The following LURAP1 variants were observed in gnomAD, a reference collection of about 807,000 sequenced individuals.
LURAP1 encodes NF-kappa-B activator C1orf190.
A neutral mutation model predicts 19.0 loss-of-function variants in LURAP1; 14 were observed. That is an observed-to-expected ratio of 0.74 (90% CI 0.49 to 1.15). The LOEUF is 1.15. Among genes scored for constraint, LURAP1 ranks in the 50% most tolerant of loss-of-function variants. The pLI is 0.00. For missense variants in LURAP1, 273 were observed against 309.1 expected, an observed-to-expected ratio of 0.88 and a Z score of 0.87; for synonymous variants, 129 against 131.8, an observed-to-expected ratio of 0.98 and a Z score of 0.14.
intron 1 of LURAP1, 44 bp from the exon 2 acceptor site, chr1:46,219,655 C>G: frequency 6.6e-7 from 1 of 1,520,516 alleles, no homozygotes; most frequent in Non-Finnish European, 8.8e-7. Context: ...CTGGGGAAAC[C>G]CATGCCCCAG....
chr1:46,205,061 C>T (rs575906762), intron 1 of LURAP1, among the ~76,000 whole-genome samples: 5 of 152,162 alleles, frequency 3.3e-5, no homozygotes, highest in Non-Finnish European at 7.4e-5. Context: ...AGTTTGAGAC[C>T]AGCCTGGGCA....
intron 1 of LURAP1, among the ~76,000 whole-genome samples, chr1:46,212,442 A>T (rs756899652): frequency 6.0e-5 from 9 of 150,812 alleles, no homozygotes; most frequent in Admixed American, 3.3e-4. Context: ...TGCCACGCCC[A>T]GCGAATTTTT....
intron 1 of LURAP1, among the ~76,000 whole-genome samples, chr1:46,205,044 GC>G (rs1658667848): frequency 6.6e-6 from 1 of 152,132 alleles, no homozygotes; most frequent in Admixed American, 6.5e-5. Context: ...GATCGCTTGA[GC>G]CCAGGAGTTT....
At chr1:46,213,250 A>G (rs1658960047) in intron 1 of LURAP1, among the ~76,000 whole-genome samples, 1 of 151,438 alleles carries the variant, frequency 6.6e-6, no homozygotes. Context: ...AGATTATAAC[A>G]CAGCATATAC....
At chr1:46,205,510 G>C (rs1658683949) in intron 1 of LURAP1, among the ~76,000 whole-genome samples, 1 of 152,212 alleles carries the variant, frequency 6.6e-6, no homozygotes, top group African/African-American at 2.4e-5. Flanking sequence ...CCATCTTACA[G>C]ATAAAACGTG....
Position 46,219,919 on chromosome 1 carries a change from A to G in LURAP1, c.419A>G (p.Asp140Gly), listed in dbSNP as rs994831403. ...GACACCAGCACCACCGACCGGCTGG[A>G]CAGTGTCTCTATTGGCAGCTTCCTG... ...LPDTSTTDRL[D>G]SVSIGSFLDT... Residue 140 changes from aspartate to glycine, a missense_variant, in exon 2 of 2, where the codon GAC becomes GGC. Coordinates refer to ENST00000371980, the MANE Select transcript of LURAP1 (RefSeq NM_001013615.3). The G allele has an allele frequency of 1.3e-5, 21 of 1,614,054 alleles. No individual in the cohort carries two copies. The highest frequency in any genetic ancestry group is 1.7e-5 in the Non-Finnish European group (20 of 1,180,010).
chr1:46,220,674 C>T lies in LURAP1; in HGVS notation c.*454C>T, dbSNP rs1312222200. 6.5e-6 allele frequency: 1 copy of T among 154,378 alleles called. No individual in the cohort carries two copies. The highest frequency in any genetic ancestry group is 2.4e-5 in the African/African-American group (1 of 41,322). 9.6% of individuals were successfully genotyped at this position (154,378 alleles called of 1,614,324 possible). On this transcript the variant is annotated 3_prime_UTR_variant, in exon 2 of 2. Transcript: ENST00000371980. Reference sequence around the variant, plus strand: ...CAGGCTGGTCTCAAACTCCTGGGCTCAAGGGATCCTCCCGCCTCAGCCTCC... The same window carrying T: ...CAGGCTGGTCTCAAACTCCTGGGCTTAAGGGATCCTCCCGCCTCAGCCTCC...
chr1:46,207,912 G>A (rs888257309), intron 1 of LURAP1, among the ~76,000 whole-genome samples: 1 of 151,766 alleles, frequency 6.6e-6, no homozygotes, highest in Non-Finnish European at 1.5e-5. Flanking sequence ...TTGGCGTCCA[G>A]GCTGGAGTGC....
In LURAP1 at chr1:46,220,916, C is replaced by T. The variant is rs892342461; in HGVS notation, c.*696C>T. On this transcript the variant is annotated 3_prime_UTR_variant, in exon 2 of 2. Transcript: ENST00000371980. Reference sequence around the variant, plus strand: ...TAGAAGCCTTGGCCTCTCTCTTGGCCAAGATGGAGGATTGAGGAGGGACAT... The same window carrying T: ...TAGAAGCCTTGGCCTCTCTCTTGGCTAAGATGGAGGATTGAGGAGGGACAT... 2.0e-5 allele frequency: 3 copies of T among 152,236 alleles called. No homozygotes were observed. The highest frequency in any genetic ancestry group is 7.2e-5 in the African/African-American group (3 of 41,438). The allele number at this position is 152,236 out of a possible 1,614,324, so 9.4% of individuals were successfully genotyped here.
chr1:46,213,170 A>G (rs1658956938), intron 1 of LURAP1, among the ~76,000 whole-genome samples: 1 of 151,782 alleles, frequency 6.6e-6, no homozygotes, highest in South Asian at 2.1e-4. Flanking sequence ...TATTTATATG[A>G]TGTTTCAGTC....
At chr1:46,210,306 C>G (rs928507077) in intron 1 of LURAP1, among the ~76,000 whole-genome samples, 1 of 152,010 alleles carries the variant, frequency 6.6e-6, no homozygotes, top group Admixed American at 6.6e-5. Context: ...TAATGCAACA[C>G]AACAATAATC....
At chr1:46,212,213 A>G (rs1210467054) in intron 1 of LURAP1, among the ~76,000 whole-genome samples, 1 of 152,236 alleles carries the variant, frequency 6.6e-6, no homozygotes, top group African/African-American at 2.4e-5. Context: ...TGTATATGTA[A>G]ATACACATAC....
At chr1:46,204,636 GCTGGGAAGAGAGT>G (rs1658657094) in intron 1 of LURAP1, among the ~76,000 whole-genome samples, 1 of 152,216 alleles carries the variant, frequency 6.6e-6, no homozygotes, top group South Asian at 2.1e-4. Flanking sequence ...GAGCTGAGAG[GCTGGGAAGAGAGT>G]CTGGTGGGTG....
At chr1:46,215,561 G>A (rs953465840) in intron 1 of LURAP1, among the ~76,000 whole-genome samples, 2 of 152,144 alleles carry the variant, frequency 1.3e-5, no homozygotes, top group African/African-American at 4.8e-5. Flanking sequence ...AAAGGATCAG[G>A]GATTGGAATG....
chr1:46,213,219 A>G (rs745523907), intron 1 of LURAP1, among the ~76,000 whole-genome samples: 9 of 151,780 alleles, frequency 5.9e-5, no homozygotes, highest in South Asian at 4.2e-4. Flanking sequence ...GATGAACAGC[A>G]TATACCATAG....
intron 1 of LURAP1, among the ~76,000 whole-genome samples, chr1:46,215,922 A>G (rs1230344018): frequency 6.6e-6 from 1 of 152,190 alleles, no homozygotes; most frequent in Non-Finnish European, 1.5e-5. Flanking sequence ...CGACAATGGA[A>G]CAATGCCTTA....
At position 46,220,016 on chromosome 1, in the gene LURAP1, A is replaced by G. The variant is rs1161234648; in HGVS notation, c.516A>G (p.Ala172=). Residue 172 remains alanine, a synonymous_variant, in exon 2 of 2, where the codon GCA becomes GCG. Coordinates refer to ENST00000371980, the MANE Select transcript of LURAP1 (RefSeq NM_001013615.3). The stretch of plus-strand genomic sequence containing the variant: ...CTCCACGTTCCGAGATGGACTGGGC[A>G]AAAGTTATAGCTGGTGGAGAGAGGG... ...PGAPRSEMDW[A]KVIAGGERAR... is the part of the protein sequence containing the mutation. The G allele has an allele frequency of 6.2e-7, 1 of 1,614,110 alleles. No homozygotes were observed. The highest frequency in any genetic ancestry group is 8.5e-7 in the Non-Finnish European group (1 of 1,180,056).
chr1:46,211,458 C>T (rs1055066560), intron 1 of LURAP1, among the ~76,000 whole-genome samples: 3 of 151,856 alleles, frequency 2.0e-5, no homozygotes, highest in Admixed American at 6.6e-5. Flanking sequence ...CACACACACA[C>T]ACACACACAC....
chr1:46,219,580 T>C (rs1571693692), intron 1 of LURAP1, 119 bp from the exon 2 acceptor site: 3 of 1,137,230 alleles, frequency 2.6e-6, no homozygotes, highest in East Asian at 4.8e-5. Flanking sequence ...CAAGCCGTTA[T>C]AATTCCATCC....
Sources: gnomAD v4.1 joint callset for allele counts (sites outside exome capture counted in the v4.1 genomes callset) on GRCh38, gnomAD v4.1.1 for gene constraint, MANE v1.5 for transcripts, NCBI Gene and HGNC (gene_info 2026-07-23, HGNC 2026-07-21) for gene names.